The following ARID5A variants were observed in gnomAD, a reference collection of about 807,000 sequenced individuals.
ARID5A encodes the protein AT-rich interactive domain-containing protein 5A.
In ARID5A, 14 loss-of-function variants were observed where a neutral mutation model predicts 30.5. The ratio of observed to expected loss-of-function variants is 0.46; its 90% CI spans 0.30 to 0.72. ARID5A has a LOEUF of 0.72. Among genes scored for constraint, ARID5A ranks in the 30% least tolerant of loss-of-function variants. The pLI, the probability that ARID5A is intolerant of heterozygous loss-of-function variation, is 0.07. For missense variants in ARID5A, 669 were observed against 786.2 expected (o/e 0.85, Z 1.78); for synonymous variants, 338 against 340.4 (o/e 0.99, Z 0.08).
Position 96,551,758 on chromosome 2 carries a change from C to T in ARID5A, c.1230C>T (p.Tyr410=). The part of the protein sequence containing the change: ...HKGGSRKGIL[Y]PKPKACWVSP... ...GTGGCTCCAGAAAGGGCATCCTCTA[C>T]CCCAAGCCCAAAGCCTGCTGGGTGT... Residue 410 remains tyrosine (Y), a synonymous_variant, in exon 7 of 7, where the codon TAC becomes TAT. Coordinates refer to ENST00000357485, the MANE Select transcript of ARID5A (RefSeq NM_212481.3). 1 of 1,530,542 alleles carries T rather than the reference C, an allele frequency of 6.5e-7. No individual in the cohort carries two copies. The highest frequency in any genetic ancestry group is 8.8e-7 in the Non-Finnish European group (1 of 1,142,820). 94.8% of individuals were successfully genotyped at this position (1,530,542 alleles called of 1,614,324 possible). A position where few individuals can be genotyped will look rare whatever the true frequency, so the allele number is the denominator to read the frequency against.
In ARID5A at chr2:96,552,546, G is replaced by C. The variant is rs550217407; in HGVS notation, c.*233G>C. 1 of 1,527,962 alleles carries C rather than the reference G, an allele frequency of 6.5e-7. No homozygotes were observed. The highest frequency in any genetic ancestry group is 2.5e-5 in the East Asian group (1 of 40,484). The allele number at this position is 1,527,962 out of a possible 1,614,324, so 94.7% of individuals were successfully genotyped here. A position where few individuals can be genotyped will look rare whatever the true frequency, so the allele number is the denominator to read the frequency against. ...CAGTTGTTATAAGGCGCTGGGAGAG[G>C]ATGGGCAGCTCCCACTGCCCCAGAG... is the stretch of plus-strand genomic sequence containing the variant. On this transcript the variant is annotated 3_prime_UTR_variant, in exon 7 of 7. Coordinates refer to ENST00000357485, the MANE Select transcript of ARID5A (RefSeq NM_212481.3).
chr2:96,540,968 C>T (rs1024850953), intron 1 of ARID5A, among the ~76,000 whole-genome samples: 1 of 151,934 alleles, frequency 6.6e-6, no homozygotes, highest in Non-Finnish European at 1.5e-5. Flanking sequence ...TGGTCTCGAG[C>T]TCCTTACCTC....
intron 1 of ARID5A, among the ~76,000 whole-genome samples, chr2:96,543,758 T>G (rs1434223021): frequency 6.6e-6 from 1 of 152,196 alleles, no homozygotes; most frequent in Non-Finnish European, 1.5e-5. Context: ...CAATGGTCTT[T>G]AAGTGTTCAA....
intron 2 of ARID5A, among the ~76,000 whole-genome samples, chr2:96,548,077 T>C (rs1210654126): frequency 1.3e-5 from 2 of 152,322 alleles, no homozygotes; most frequent in South Asian, 2.1e-4. Context: ...TGAGCAGTTA[T>C]GAGAGAGCCT....
At position 96,539,347 on chromosome 2, in the gene ARID5A, C is replaced by A. The variant is rs1219434926; in HGVS notation, c.4+2517C>A. ...TGATGTCTGGCAGGGCAGGGGCCCACTGACTTCCCCGCATCCACCCACTGC... is the reference window on the plus strand; with the variant it reads ...TGATGTCTGGCAGGGCAGGGGCCCAATGACTTCCCCGCATCCACCCACTGC... On this transcript the variant is annotated intron_variant, in intron 1 of 6. Coordinates refer to ENST00000357485, the MANE Select transcript of ARID5A (RefSeq NM_212481.3). The surrounding 1 kb of genome is among the most constrained non-coding windows in gnomAD (Gnocchi z 4.7). Among the ~76,000 whole-genome samples, 1 of 152,226 alleles carries A rather than the reference C, an allele frequency of 6.6e-6. No homozygotes were observed. Among genetic ancestry groups the A allele is most frequent in the Non-Finnish European group, 1.5e-5 (1 of 68,034 alleles).
rs1264536316 is a variant in ARID5A at position 96,537,814 on chromosome 2, G to A, written c.4+984G>A. On this transcript the variant is annotated intron_variant, in intron 1 of 6. Transcript: ENST00000357485. The surrounding 1 kb of genome is among the most constrained non-coding windows in gnomAD (Gnocchi z 4.8). ...GCCGGCGTGGTGGGGCTTGCGCGGT[G>A]CAGGACCCCCGAGGGCCCAGGGGGT... 29 of 965,430 alleles carry A rather than the reference G, an allele frequency of 3.0e-5. No individual in the cohort carries two copies. Among genetic ancestry groups the A allele is most frequent in the Admixed American group, 6.2e-5 (1 of 16,246 alleles). The allele number at this position is 965,430 out of a possible 1,614,324, so 59.8% of individuals were successfully genotyped here.
Position 96,549,623 on chromosome 2 carries a change from C to T in ARID5A, c.260-130C>T, listed in dbSNP as rs367753888. 14 of 1,507,712 alleles carry T rather than the reference C, an allele frequency of 9.3e-6. No homozygotes were observed. The Admixed American group carries it at 1.2e-4, about 13-fold the overall frequency. 93.4% of individuals were successfully genotyped at this position (1,507,712 alleles called of 1,614,324 possible). A position where few individuals can be genotyped will look rare whatever the true frequency, so the allele number is the denominator to read the frequency against. On this transcript the variant is annotated intron_variant, in intron 3 of 6. Transcript: ENST00000357485. The surrounding 1 kb of genome is among the most constrained non-coding windows in gnomAD (Gnocchi z 6.1). Reference sequence around the variant, plus strand: ...AGGGGTGCACAGGGCACAGCCTGCCCGTCTATTGCAGTGGCCCTGGCTGGG... The same window carrying T: ...AGGGGTGCACAGGGCACAGCCTGCCTGTCTATTGCAGTGGCCCTGGCTGGG...
At chr2:96,538,427 G>A in intron 1 of ARID5A, 1 of 739,384 alleles carries the variant, frequency 1.4e-6, no homozygotes, top group Non-Finnish European at 1.7e-6. Flanking sequence ...TGTGGCCTCA[G>A]CTGCCCCCAG....
At chr2:96,546,342 G>T (rs190997329) in intron 1 of ARID5A, among the ~76,000 whole-genome samples, 7 of 152,384 alleles carry the variant, frequency 4.6e-5, no homozygotes, top group African/African-American at 1.7e-4. Context: ...TGGGTTCCTG[G>T]TCTGGTATCT....
rs2065759261 is a variant in ARID5A, at chr2:96,537,499, C to T, written c.4+669C>T. On this transcript the variant is annotated intron_variant, in intron 1 of 6. Transcript: ENST00000357485. This position sits in a 1 kb window ranked among gnomAD's most constrained non-coding sequence, Gnocchi z 4.8. Reference sequence around the variant, plus strand: ...CTTCTCTTCCCTTTTCTCTTTTCCTCTCCTGTCTCTCCGCCCACCCGCCGC... The same window carrying T: ...CTTCTCTTCCCTTTTCTCTTTTCCTTTCCTGTCTCTCCGCCCACCCGCCGC... The T allele has an allele frequency of 6.6e-6, 1 of 152,398 alleles. No homozygotes were observed. The highest frequency in any genetic ancestry group is 2.4e-5 in the African/African-American group (1 of 41,474). The allele number at this position is 152,398 out of a possible 1,614,324, so 9.4% of individuals were successfully genotyped here. A position where few individuals can be genotyped will look rare whatever the true frequency, so the allele number is the denominator to read the frequency against.
chr2:96,545,798 A>G (rs2065917053), intron 1 of ARID5A, among the ~76,000 whole-genome samples: 1 of 152,016 alleles, frequency 6.6e-6, no homozygotes, highest in Admixed American at 6.6e-5. Context: ...TACTAAAAAT[A>G]CAAAAATTAG....
In ARID5A at chr2:96,551,514, C is replaced by G. The variant is rs756257342; in HGVS notation, c.986C>G (p.Ala329Gly). 6.3e-7 allele frequency: 1 copy of G among 1,596,636 alleles called. No homozygotes were observed. The highest frequency in any genetic ancestry group is 8.5e-7 in the Non-Finnish European group (1 of 1,171,580). ...CCAGGTGGCAGCCTCAGAGAGGAGG[C>G]GCAGGCAGGCCCCTGCCCGGCAGCC... ...QAPGGSLREEAQAGPCPAAPI... is the reference protein window; with the variant it reads ...QAPGGSLREEGQAGPCPAAPI... The change falls in exon 7 of 7, where the codon GCG (alanine) becomes GGG (glycine). Residue 329 changes from alanine (A) to glycine (G), a missense_variant. By Grantham distance (60) the Ala-to-Gly change is moderately conservative. Coordinates refer to ENST00000357485, the MANE Select transcript of ARID5A (RefSeq NM_212481.3).
chr2:96,538,004 T>G, intron 1 of ARID5A: 1 of 985,354 alleles, frequency 1.0e-6, no homozygotes, highest in Non-Finnish European at 1.2e-6. Context: ...CAGGCAACGC[T>G]AGAGCACAGG....
At position 96,537,309 on chromosome 2, in the gene ARID5A, G is replaced by T. The variant is rs1406162386; in HGVS notation, c.4+479G>T. On this transcript the variant is annotated intron_variant, in intron 1 of 6. Coordinates refer to ENST00000357485, the MANE Select transcript of ARID5A (RefSeq NM_212481.3). The surrounding 1 kb of genome is among the most constrained non-coding windows in gnomAD (Gnocchi z 4.8). ...GCGGCGCCGCCGGGCACAGACTCCG[G>T]GTCCAGAGCGCGCGGCCCTTTCCTC... The T allele has an allele frequency of 1.9e-5, 3 of 154,192 alleles. No individual in the cohort carries two copies. The highest frequency in any genetic ancestry group is 7.2e-5 in the African/African-American group (3 of 41,506). 9.6% of individuals were successfully genotyped at this position (154,192 alleles called of 1,614,324 possible). A position where few individuals can be genotyped will look rare whatever the true frequency, so the allele number is the denominator to read the frequency against.
chr2:96,551,067 C>G, intron 6 of ARID5A, 32 bp from the exon 7 acceptor site: 1 of 1,583,892 alleles, frequency 6.3e-7, no homozygotes, highest in Non-Finnish European at 8.6e-7. Context: ...GGGGCTGAGG[C>G]AGTCCTGAGG....
Position 96,551,339 on chromosome 2 carries a change from G to A in ARID5A, c.811G>A (p.Glu271Lys). The stretch of plus-strand genomic sequence containing the variant: ...GCTCCTGGCCCAGGTGAGCAAGGTG[G>A]AGGCCTTGCAGTGCCAGGAGGAGGG... ...KKLLAQVSKV[E>K]ALQCQEEGCR... The change falls in exon 7 of 7, where the codon GAG becomes AAG. Residue 271 changes from glutamate (E) to lysine (K), a missense_variant. Glu to Lys is a moderately conservative substitution (Grantham distance 56). Coordinates refer to ENST00000357485, the MANE Select transcript of ARID5A (RefSeq NM_212481.3). 1 of 1,613,474 alleles carries A rather than the reference G, an allele frequency of 6.2e-7. No homozygotes were observed. Among genetic ancestry groups the A allele is most frequent in the Non-Finnish European group, 8.5e-7 (1 of 1,179,966 alleles).
Position 96,549,718 on chromosome 2 carries a change from G to C in ARID5A, c.260-35G>C, listed in dbSNP as rs2065992122. On this transcript the variant is annotated intron_variant, in intron 3 of 6. Coordinates refer to ENST00000357485, the MANE Select transcript of ARID5A (RefSeq NM_212481.3). This position sits in a 1 kb window ranked among gnomAD's most constrained non-coding sequence, Gnocchi z 6.1. ...TGGCATGCTGTCCCCACCTCCCACA[G>C]AGACTGACGGCCAGCCTGCTCTTCT... 9 of 1,613,800 alleles carry C rather than the reference G, an allele frequency of 5.6e-6. No homozygotes were observed. The highest frequency in any genetic ancestry group is 7.6e-6 in the Non-Finnish European group (9 of 1,179,970).
chr2:96,537,195 T>G lies in ARID5A; in HGVS notation c.4+365T>G. On this transcript the variant is annotated intron_variant, in intron 1 of 6. Coordinates refer to ENST00000357485, the MANE Select transcript of ARID5A (RefSeq NM_212481.3). The surrounding 1 kb of genome is among the most constrained non-coding windows in gnomAD (Gnocchi z 4.8). ...CTGTCGTCCCACTTCCTGCTGCGGT[T>G]TCCACCTCGAGCTGGGCTCAGCTAA... is the stretch of plus-strand genomic sequence containing the variant. The G allele has an allele frequency of 5.1e-6, 1 of 195,710 alleles. No homozygotes were observed. Among genetic ancestry groups the G allele is most frequent in the Non-Finnish European group, 1.0e-5 (1 of 96,476 alleles). 12.1% of individuals were successfully genotyped at this position (195,710 alleles called of 1,614,324 possible). A position where few individuals can be genotyped will look rare whatever the true frequency, so the allele number is the denominator to read the frequency against.
chr2:96,536,796 C>G lies in ARID5A; in HGVS notation c.-31C>G. 8.3e-7 allele frequency: 1 copy of G among 1,203,340 alleles called. No individual in the cohort carries two copies. Among genetic ancestry groups the G allele is most frequent in the Admixed American group, 4.4e-5 (1 of 22,716 alleles). 74.5% of individuals were successfully genotyped at this position (1,203,340 alleles called of 1,614,324 possible). ...CCGGACAGCCGCGCGCTGAGGGTCT[C>G]GGGGCGGGCGCCGCGGGACCTCTCC... On this transcript the variant is annotated 5_prime_UTR_variant, in exon 1 of 7. Transcript: ENST00000357485.
Sources: gnomAD v4.1 joint callset for allele counts (sites outside exome capture counted in the v4.1 genomes callset) on GRCh38, gnomAD v4.1.1 for gene constraint, Gnocchi (gnomAD v3.1) non-coding constraint, MANE v1.5 for transcripts, NCBI Gene and HGNC (gene_info 2026-07-23, HGNC 2026-07-21) for gene names.